Variants in ITK observed in about 807,000 individuals in gnomAD.
ITK encodes tyrosine-protein kinase ITK/TSK.
ITK carries 45 observed loss-of-function variants against 87.6 expected under a neutral mutation model. That is an observed-to-expected ratio of 0.51 (90% confidence interval 0.40 to 0.66). The LOEUF (loss-of-function observed/expected upper bound fraction) is 0.66, where lower values mean the gene tolerates loss of function less well. Among genes scored for constraint, ITK ranks in the 30% least tolerant of loss-of-function variants. The pLI is 0.00. For missense variants in ITK, 605 were observed against 766.3 expected (o/e 0.79, Z 2.48); for synonymous variants, 303 against 273.6 (o/e 1.11, Z -1.06).
rs192786276 is a variant in ITK at position 157,248,833 on chromosome 5, C to T, written c.1634-17C>T. 3.3e-4 allele frequency: 536 copies of T among 1,613,866 alleles called. No individual in the cohort carries two copies. Among genetic ancestry groups the T allele is most frequent in the Admixed American group, 1.0e-3 (61 of 60,000 alleles). ...GGGCTTTGTCATTCACTGTGCTGTG[C>T]TCACCATTTCTTGTAGGTGTGCTGA... On this transcript the variant is annotated splice_polypyrimidine_tract_variant and intron_variant, in intron 15 of 16. Transcript: ENST00000422843.
intron 1 of ITK, among the ~76,000 whole-genome samples, chr5:157,190,186 G>A (rs1753725960): frequency 6.6e-6 from 1 of 151,964 alleles, no homozygotes; most frequent in African/African-American, 2.4e-5. Context: ...TTGTAAGTAG[G>A]CTTCTCATTA....
intron 1 of ITK, among the ~76,000 whole-genome samples, chr5:157,201,190 T>A (rs1753964912): frequency 6.6e-6 from 1 of 151,922 alleles, no homozygotes. Context: ...AGAAAAAAAA[T>A]TTTGAGTCTT....
chr5:157,206,653 G>A (rs930530033), intron 1 of ITK, among the ~76,000 whole-genome samples: 3 of 152,036 alleles, frequency 2.0e-5, no homozygotes, highest in Non-Finnish European at 4.4e-5. Context: ...CATTTTTCTA[G>A]GTTTTCTAAT....
intron 7 of ITK, 49 bp downstream of exon 7, chr5:157,228,410 C>T (rs1434460987): frequency 1.8e-6 from 2 of 1,090,832 alleles, no homozygotes. Context: ...AGGAATCCTC[C>T]TTAAGTTAGG....
chr5:157,228,392 C>G (rs779862837), intron 7 of ITK, 31 bp downstream of exon 7: 1 of 1,285,230 alleles, frequency 7.8e-7, no homozygotes, highest in East Asian at 2.3e-5. Context: ...TTGGAAAATA[C>G]AGTCCTAAGG....
intron 2 of ITK, among the ~76,000 whole-genome samples, chr5:157,210,796 T>A (rs1754176137): frequency 6.7e-6 from 1 of 148,842 alleles, no homozygotes; most frequent in South Asian, 2.1e-4. Context: ...TTGAAAGATG[T>A]GTTGTGGTTA....
At chr5:157,215,963 G>T (rs152116) in intron 4 of ITK, among the ~76,000 whole-genome samples, 1 of 152,046 alleles carries the variant, frequency 6.6e-6, no homozygotes, top group South Asian at 2.1e-4. Flanking sequence ...AATGCCAGTG[G>T]GGGAGGACTG....
At chr5:157,193,941 T>G (rs1050489134) in intron 1 of ITK, among the ~76,000 whole-genome samples, 1 of 152,166 alleles carries the variant, frequency 6.6e-6, no homozygotes, top group Non-Finnish European at 1.5e-5. Flanking sequence ...TTGTTAAGTA[T>G]TTTCTCATTT....
At chr5:157,188,220 A>G (rs993646605) in intron 1 of ITK, among the ~76,000 whole-genome samples, 11 of 152,136 alleles carry the variant, frequency 7.2e-5, no homozygotes, top group African/African-American at 1.4e-4. Context: ...TTCTGCTGGC[A>G]TTTGAAGTTT....
Position 157,244,467 on chromosome 5 carries a change from C to A in ITK, c.1438C>A (p.His480Asn). The change falls in exon 13 of 17, where the codon CAC becomes AAC. Residue 480 changes from histidine (H) to asparagine (N), a missense_variant. By Grantham distance (68) the His-to-Asn change is moderately conservative. Coordinates refer to ENST00000422843, the MANE Select transcript of ITK (RefSeq NM_005546.4). ...MAYLEEACVI[H>N]RDLAARNCLV... is the part of the protein sequence containing the mutation. ...CTACCTGGAAGAGGCATGTGTCATC[C>A]ACAGAGACTTGGTATGAGCATGCAG... 6.2e-7 allele frequency: 1 copy of A among 1,603,356 alleles called. No homozygotes were observed. The highest frequency in any genetic ancestry group is 8.5e-7 in the Non-Finnish European group (1 of 1,170,184).
intron 15 of ITK, 111 bp downstream of exon 15, chr5:157,246,110 G>T: frequency 1.2e-6 from 1 of 824,346 alleles, no homozygotes. Flanking sequence ...CATATCATGA[G>T]GGTGTCCCAC....
chr5:157,197,405 T>G (rs1753874325), intron 1 of ITK, among the ~76,000 whole-genome samples: 1 of 152,216 alleles, frequency 6.6e-6, no homozygotes, highest in Non-Finnish European at 1.5e-5. Flanking sequence ...TTTTTGAAAC[T>G]TCTAACTGTA....
At position 157,245,970 on chromosome 5, in the gene ITK, A is replaced by G; in HGVS notation, c.1604A>G (p.Tyr535Cys). 6.2e-7 allele frequency: 1 copy of G among 1,613,912 alleles called. No homozygotes were observed. Among genetic ancestry groups the G allele is most frequent in the Non-Finnish European group, 8.5e-7 (1 of 1,179,798 alleles). The change falls in exon 15 of 17, where the codon TAT (tyrosine) becomes TGT (cysteine). Residue 535 changes from tyrosine (Y) to cysteine (C), a missense_variant. By Grantham distance (194) the Tyr-to-Cys change is radical. Around this residue, in one of 3 missense-constraint regions of ITK, gnomAD observed 70 missense variants for 122.5 expected, o/e 0.57. Coordinates refer to ENST00000422843, the MANE Select transcript of ITK (RefSeq NM_005546.4). ...ASPEVFSFSR[Y>C]SSKSDVWSFG... ...CCAGAGGTTTTCTCTTTCAGTCGCT[A>G]TAGCAGCAAGTCCGATGTGTGGTCA...
chr5:157,218,885 T>C (rs1048579224), intron 5 of ITK, among the ~76,000 whole-genome samples: 1 of 152,182 alleles, frequency 6.6e-6, no homozygotes, highest in Admixed American at 6.5e-5. Context: ...AGACCTGCTG[T>C]GTCCAAAACG....
At chr5:157,200,907 A>C (rs994853896) in intron 1 of ITK, among the ~76,000 whole-genome samples, 22 of 152,302 alleles carry the variant, frequency 1.4e-4, no homozygotes, top group Admixed American at 1.2e-3. Context: ...AAGTATGGCA[A>C]GTGCAAATTG....
intron 4 of ITK, among the ~76,000 whole-genome samples, chr5:157,217,665 A>G (rs1754326372): frequency 6.6e-6 from 1 of 152,174 alleles, no homozygotes; most frequent in African/African-American, 2.4e-5. Context: ...GGAATCAGAA[A>G]CCAGCAGGCC....
chr5:157,216,361 A>G (rs152114), intron 4 of ITK, among the ~76,000 whole-genome samples: 107,861 of 152,058 alleles, frequency 0.71, 38,785 homozygotes, highest in East Asian at 0.98. Context: ...ATGATAATAG[A>G]TAGCTATGTG....
Position 157,254,546 on chromosome 5 carries a change from T to C in ITK, c.*1868T>C, listed in dbSNP as rs1036564677. 1 of 220,976 alleles carries C rather than the reference T, an allele frequency of 4.5e-6. No homozygotes were observed. The highest frequency in any genetic ancestry group is 2.2e-5 in the African/African-American group (1 of 44,612). 13.7% of individuals were successfully genotyped at this position (220,976 alleles called of 1,614,324 possible). A position where few individuals can be genotyped will look rare whatever the true frequency, so the allele number is the denominator to read the frequency against. ...TTGGCTCTTTCTAAATCATGTGACG[T>C]TTTGACTGGCTTGAGATTCAGATGC... On this transcript the variant is annotated 3_prime_UTR_variant, in exon 17 of 17. Transcript: ENST00000422843.
chr5:157,240,490 G>T (rs1754868076), intron 10 of ITK: 6 of 467,652 alleles, frequency 1.3e-5, no homozygotes, highest in Non-Finnish European at 2.4e-5. Context: ...AAAAGGTTGG[G>T]GACTGCTGCT....
Sources: gnomAD v4.1 joint callset for allele counts (sites outside exome capture counted in the v4.1 genomes callset) on GRCh38, gnomAD v4.1.1 for gene constraint, gnomAD v4.1.1 regional missense constraint, MANE v1.5 for transcripts, NCBI Gene and HGNC (gene_info 2026-07-23, HGNC 2026-07-21) for gene names.